Variants in CIRSR observed in about 807,000 individuals in gnomAD.
The protein encoded by CIRSR is CBF1 (RBPJ) interacting corepressor 1.
At chr2:174,374,633 A>C in the CIRSR span, among the ~76,000 whole-genome samples, 3 of 152,238 alleles carry the variant, frequency 2.0e-5, no homozygotes, top group African/African-American at 7.2e-5. Flanking sequence ...TAAGTAGCAA[A>C]GCAGTTAGCT....
At chr2:174,371,228 A>G in the CIRSR span, among the ~76,000 whole-genome samples, 1 of 152,230 alleles carries the variant, frequency 6.6e-6, no homozygotes. Flanking sequence ...AATATACTAA[A>G]GGCCATTGAA....
At chr2:174,371,068 A>G in the CIRSR span, among the ~76,000 whole-genome samples, 1 of 152,200 alleles carries the variant, frequency 6.6e-6, no homozygotes, top group Non-Finnish European at 1.5e-5. Flanking sequence ...CTATTTATAT[A>G]AAAAGTACAG....
the CIRSR span, chr2:174,379,191 C>T: frequency 1.6e-6 from 1 of 608,692 alleles, no homozygotes; most frequent in Non-Finnish European, 2.9e-6. Context: ...TAATTTAATA[C>T]AAAGACTAAA....
chr2:174,358,965 A>G, the CIRSR span, among the ~76,000 whole-genome samples: 2 of 152,304 alleles, frequency 1.3e-5, no homozygotes, highest in East Asian at 3.9e-4. Flanking sequence ...AAGTGCTGGG[A>G]TTACAGGCGT....
At chr2:174,374,146 G>A in the CIRSR span, among the ~76,000 whole-genome samples, 1 of 152,196 alleles carries the variant, frequency 6.6e-6, no homozygotes, top group Admixed American at 6.5e-5. Flanking sequence ...CCAGCTTTTT[G>A]AGAGCCATTT....
the CIRSR span, among the ~76,000 whole-genome samples, chr2:174,362,537 G>T: frequency 6.6e-6 from 1 of 151,462 alleles, no homozygotes; most frequent in Admixed American, 6.6e-5. Context: ...ATCTTAATTA[G>T]CCAGGCGTGG....
chr2:174,370,916 AAAAAAAAAAG>A, the CIRSR span, among the ~76,000 whole-genome samples: 1 of 151,884 alleles, frequency 6.6e-6, no homozygotes, highest in Non-Finnish European at 1.5e-5. Flanking sequence ...GTCTCAAAAA[AAAAAAAAAAG>A]AAAAGAAAAG....
At chr2:174,348,600 C>T in the CIRSR span, 9 of 1,614,164 alleles carry the variant, frequency 5.6e-6, no homozygotes, top group East Asian at 1.8e-4. Context: ...GTCATTTCTT[C>T]TGCTTTGCTC....
chr2:174,353,843 A>G, the CIRSR span, among the ~76,000 whole-genome samples: 1 of 152,186 alleles, frequency 6.6e-6, no homozygotes, highest in Admixed American at 6.5e-5. Flanking sequence ...ACTTAATTTT[A>G]TAAAGTAGAA....
the CIRSR span, chr2:174,395,517 T>C: frequency 1.2e-6 from 2 of 1,602,702 alleles, no homozygotes; most frequent in Non-Finnish European, 8.5e-7. Context: ...GCGGTCCCTG[T>C]GGGCCTAATC....
At chr2:174,354,474 TAA>T in the CIRSR span, among the ~76,000 whole-genome samples, 327 of 93,540 alleles carry the variant, frequency 3.5e-3, 3 homozygotes, top group African/African-American at 0.01. Context: ...AAAATATATA[TAA>T]TATATATTAT....
At chr2:174,358,401 G>C in the CIRSR span, 352 of 155,782 alleles carry the variant, frequency 2.3e-3, 1 homozygote, top group African/African-American at 8.2e-3. Flanking sequence ...ACAAAACCCG[G>C]CTAATTTTTG....
chr2:174,361,863 T>A, the CIRSR span, among the ~76,000 whole-genome samples: 7 of 152,210 alleles, frequency 4.6e-5, no homozygotes, highest in South Asian at 2.1e-4. Context: ...TATTTTTTTT[T>A]AAAAGCAATT....
the CIRSR span, among the ~76,000 whole-genome samples, chr2:174,379,822 C>G: frequency 6.8e-6 from 1 of 147,148 alleles, no homozygotes; most frequent in African/African-American, 2.5e-5. Context: ...CTCCTGGGTT[C>G]CAGCGATTCT....
At chr2:174,372,292 A>G in the CIRSR span, among the ~76,000 whole-genome samples, 1 of 152,216 alleles carries the variant, frequency 6.6e-6, no homozygotes. Flanking sequence ...GTAAGCCAAA[A>G]AGATGAAATT....
At chr2:174,369,891 A>G in the CIRSR span, 86 of 1,256,788 alleles carry the variant, frequency 6.8e-5, 1 homozygote, top group Non-Finnish European at 8.3e-5. Flanking sequence ...ACAAGTTTGA[A>G]TTATTGCAAT....
At chr2:174,380,587 T>C in the CIRSR span, 1 of 1,405,372 alleles carries the variant, frequency 7.1e-7, no homozygotes, top group Non-Finnish European at 9.9e-7. Context: ...CAACATAAGA[T>C]GGGATATCAG....
chr2:174,385,362 C>A, the CIRSR span, among the ~76,000 whole-genome samples: 1 of 151,612 alleles, frequency 6.6e-6, no homozygotes, highest in Non-Finnish European at 1.5e-5. Context: ...ATGAAATTGG[C>A]TATCAAAAAC....
At chr2:174,385,272 G>A in the CIRSR span, among the ~76,000 whole-genome samples, 1 of 146,144 alleles carries the variant, frequency 6.8e-6, no homozygotes, top group African/African-American at 2.5e-5. Flanking sequence ...AGTATAAAGC[G>A]ACTAAGGTGA....
Sources: gnomAD v4.1 joint callset for allele counts (sites outside exome capture counted in the v4.1 genomes callset) on GRCh38, gnomAD v4.1.1 for gene constraint, MANE v1.5 for transcripts, NCBI Gene and HGNC (gene_info 2026-07-23, HGNC 2026-07-21) for gene names.